DCAF7: variants seen among roughly 807,000 people sequenced by gnomAD.
The protein encoded by DCAF7 is DDB1 and CUL4 associated factor 7, also known as DDB1- and CUL4-associated factor 7.
DCAF7 carries 4 observed loss-of-function variants against 41.2 expected under a neutral mutation model. That is an observed-to-expected ratio of 0.10 (90% CI 0.05 to 0.22). The LOEUF is 0.22. Among genes scored for constraint, DCAF7 ranks in the 10% least tolerant of loss-of-function variants. The pLI is 1.00. For synonymous variants in DCAF7, 143 were observed against 164.2 expected (o/e 0.87, Z 0.99); for missense variants, 131 against 443.2 (o/e 0.30, Z 6.32).
chr17:63,573,997 G>C (rs1466007278), intron 1 of DCAF7, among the ~76,000 whole-genome samples: 1 of 152,050 alleles, frequency 6.6e-6, no homozygotes, highest in Admixed American at 6.6e-5. Flanking sequence ...CCTTCATCGG[G>C]GGAAGGTGAA....
chr17:63,559,094 G>A (rs1598025982), intron 1 of DCAF7, among the ~76,000 whole-genome samples: 2 of 150,682 alleles, frequency 1.3e-5, no homozygotes, highest in African/African-American at 4.9e-5. Context: ...GGCAGATCAC[G>A]AGGTCAGGAG....
intron 6 of DCAF7, among the ~76,000 whole-genome samples, chr17:63,588,310 C>A (rs1270805644): frequency 6.6e-6 from 1 of 150,392 alleles, no homozygotes; most frequent in Non-Finnish European, 1.5e-5. Flanking sequence ...GCCTCAGCCA[C>A]CGAAGTAGCT....
At chr17:63,578,652 C>T (rs770929192) in intron 2 of DCAF7, 24 bp downstream of exon 2, 2 of 1,613,656 alleles carry the variant, frequency 1.2e-6, no homozygotes, top group South Asian at 2.2e-5. Context: ...TTATTAGCAG[C>T]CAGACAAGTG....
At chr17:63,551,916 A>C (rs1444356373) in intron 1 of DCAF7, among the ~76,000 whole-genome samples, 3 of 136,842 alleles carry the variant, frequency 2.2e-5, no homozygotes, top group African/African-American at 9.0e-5. Context: ...AAAAAAAAAA[A>C]AAAAAAAAAA....
intron 1 of DCAF7, among the ~76,000 whole-genome samples, chr17:63,555,733 T>G (rs768930774): frequency 6.6e-6 from 1 of 152,198 alleles, no homozygotes; most frequent in Non-Finnish European, 1.5e-5. Flanking sequence ...CTCCTTTTTC[T>G]AGACAGTGAG....
intron 1 of DCAF7, among the ~76,000 whole-genome samples, chr17:63,573,007 C>T (rs1189204317): frequency 6.6e-6 from 1 of 152,204 alleles, no homozygotes; most frequent in African/African-American, 2.4e-5. Flanking sequence ...AAGCCATCCA[C>T]CCTCCTTGGC....
At chr17:63,562,792 C>CA (rs1045761357) in intron 1 of DCAF7, among the ~76,000 whole-genome samples, 3 of 143,684 alleles carry the variant, frequency 2.1e-5, no homozygotes, top group African/African-American at 7.8e-5. Context: ...TGCACAAGAA[C>CA]AAAAAACCAA....
chr17:63,559,449 A>G (rs1462543432), intron 1 of DCAF7, among the ~76,000 whole-genome samples: 1 of 140,192 alleles, frequency 7.1e-6, no homozygotes, highest in African/African-American at 2.7e-5. Flanking sequence ...GTATATATAT[A>G]TATATATATT....
intron 1 of DCAF7, among the ~76,000 whole-genome samples, chr17:63,555,929 C>T (rs1041657650): frequency 2.6e-5 from 4 of 152,204 alleles, no homozygotes; most frequent in African/African-American, 7.2e-5. Flanking sequence ...CCAAAGCTCT[C>T]GCTGCCAGAG....
intron 4 of DCAF7, among the ~76,000 whole-genome samples, chr17:63,580,482 A>G (rs945114493): frequency 6.7e-6 from 1 of 149,594 alleles, no homozygotes; most frequent in Non-Finnish European, 1.5e-5. Context: ...TTATTGGGAA[A>G]ACTGAGAAGA....
rs1176550372 is a variant in DCAF7 at position 63,590,044 on chromosome 17, G to C, written c.*872G>C. 6.6e-6 allele frequency: 1 copy of C among 152,646 alleles called. No homozygotes were observed. The highest frequency in any genetic ancestry group is 1.5e-5 in the Non-Finnish European group (1 of 68,056). The allele number at this position is 152,646 out of a possible 1,614,324, so 9.5% of individuals were successfully genotyped here. Reference sequence around the variant, plus strand: ...AGGCTCTCAGGGTACCTGACTTGAGGGGAATCGTTTCATGAAGCTGAACTT... The same window carrying C: ...AGGCTCTCAGGGTACCTGACTTGAGCGGAATCGTTTCATGAAGCTGAACTT... On this transcript the variant is annotated 3_prime_UTR_variant, in exon 7 of 7. Coordinates refer to ENST00000614556, the MANE Select transcript of DCAF7 (RefSeq NM_005828.5).
At position 63,574,307 on chromosome 17, in the gene DCAF7, CTG is replaced by C. The variant is rs548292893; in HGVS notation, c.139-4159_139-4158del. On this transcript the variant is annotated intron_variant, in intron 1 of 6. Transcript: ENST00000614556. ...CCTCTCAATTGTTATCGATTATTAT[CTG>C]TGTCATAAATAAGAAGCCAATCATG... is the stretch of plus-strand genomic sequence containing the variant. 2.1e-4 allele frequency among the ~76,000 whole-genome samples: 32 copies of C among 152,306 alleles called. 1 individual carries two copies. The East Asian group carries it at 5.0e-3, about 24-fold the overall frequency.
rs1440999793 is a variant in DCAF7 at position 63,590,538 on chromosome 17, T to A, written c.*1366T>A. On this transcript the variant is annotated 3_prime_UTR_variant, in exon 7 of 7. Transcript: ENST00000614556. ...ATTGGACTTGTAGCCTGCAGTTGTCTTTTGACTTGCAGGCCGCAGGTGTCT... is the reference window on the plus strand; with the variant it reads ...ATTGGACTTGTAGCCTGCAGTTGTCATTTGACTTGCAGGCCGCAGGTGTCT... The A allele has an allele frequency of 1.3e-5, 2 of 152,740 alleles. No homozygotes were observed. Among genetic ancestry groups the A allele is most frequent in the Non-Finnish European group, 2.9e-5 (2 of 68,100 alleles). The allele number at this position is 152,740 out of a possible 1,614,324, so 9.5% of individuals were successfully genotyped here.
intron 4 of DCAF7, among the ~76,000 whole-genome samples, chr17:63,583,005 C>A (rs984525762): frequency 9.2e-5 from 14 of 152,284 alleles, no homozygotes; most frequent in Admixed American, 8.5e-4. Context: ...ATTTCTGTTA[C>A]CTCTTTCTTG....
At chr17:63,573,561 C>T (rs1459779651) in intron 1 of DCAF7, among the ~76,000 whole-genome samples, 2 of 151,328 alleles carry the variant, frequency 1.3e-5, no homozygotes, top group African/African-American at 2.4e-5. Context: ...CCCATCTCTA[C>T]GAAAAATACA....
chr17:63,576,207 C>T (rs1298299073), intron 1 of DCAF7, among the ~76,000 whole-genome samples: 1 of 152,088 alleles, frequency 6.6e-6, no homozygotes. Flanking sequence ...TTTGGGAGGC[C>T]GAGGCGTGTG....
intron 1 of DCAF7, among the ~76,000 whole-genome samples, chr17:63,557,457 C>T (rs972425241): frequency 2.0e-5 from 3 of 151,208 alleles, no homozygotes; most frequent in Non-Finnish European, 2.9e-5. Context: ...TGCAGTGAGC[C>T]GAGATCATGT....
intron 6 of DCAF7, among the ~76,000 whole-genome samples, chr17:63,588,524 C>A (rs893239521): frequency 6.7e-6 from 1 of 148,686 alleles, no homozygotes; most frequent in Non-Finnish European, 1.5e-5. Context: ...CAGCACATAT[C>A]AGCACTACTT....
intron 1 of DCAF7, among the ~76,000 whole-genome samples, chr17:63,574,077 G>A (rs879274325): frequency 6.6e-5 from 10 of 151,966 alleles, no homozygotes; most frequent in Admixed American, 2.6e-4. Context: ...GCACTCCCAC[G>A]TGGCTCTCTC....
Sources: allele counts gnomAD v4.1 joint callset (sites outside exome capture counted in the v4.1 genomes callset), GRCh38; gene constraint gnomAD v4.1.1; transcripts MANE v1.5; gene names NCBI Gene and HGNC (gene_info 2026-07-23, HGNC 2026-07-21).